SLC24A3: variants seen among roughly 807,000 people sequenced by gnomAD.
SLC24A3 encodes sodium/potassium/calcium exchanger 3.
SLC24A3 carries 28 observed loss-of-function variants against 75.8 expected under a neutral mutation model. The observed-to-expected ratio is 0.37, with a 90% CI of 0.27 to 0.51. SLC24A3 has a LOEUF of 0.51. SLC24A3 is among the 20% of genes least tolerant of loss of function. SLC24A3 has a pLI of 0.94. For synonymous variants in SLC24A3, 372 were observed against 334.1 expected, an observed-to-expected ratio of 1.11 and a Z score of -1.24; for missense variants, 663 against 847.8, an observed-to-expected ratio of 0.78 and a Z score of 2.71.
At chr20:19,343,855 A>G (rs1210956152) in intron 2 of SLC24A3, among the ~76,000 whole-genome samples, 1 of 152,220 alleles carries the variant, frequency 6.6e-6, no homozygotes, top group Admixed American at 6.5e-5. Context: ...AAAGGGGACT[A>G]GGACATGATT....
At chr20:19,564,408 C>G (rs2182329) in intron 3 of SLC24A3, among the ~76,000 whole-genome samples, 211 of 152,278 alleles carry the variant, frequency 1.4e-3, no homozygotes, top group Non-Finnish European at 1.6e-3. Context: ...TCTTTGTCAT[C>G]GTGATCACCA....
chr20:19,646,446 C>G (rs755304311), intron 6 of SLC24A3, among the ~76,000 whole-genome samples: 1 of 152,178 alleles, frequency 6.6e-6, no homozygotes, highest in African/African-American at 2.4e-5. Context: ...TGTATCTTAT[C>G]TGGCAACTTT....
intron 2 of SLC24A3, among the ~76,000 whole-genome samples, chr20:19,420,460 TC>T (rs1448316465): frequency 6.9e-6 from 1 of 145,014 alleles, no homozygotes; most frequent in Non-Finnish European, 1.5e-5. Context: ...GTAAAAGTGT[TC>T]CTATTTCTCC....
intron 2 of SLC24A3, among the ~76,000 whole-genome samples, chr20:19,425,882 G>A (rs13044355): frequency 0.32 from 49,010 of 152,054 alleles, 9,348 homozygotes; most frequent in Middle Eastern, 0.5. Flanking sequence ...AAGCCAGCTC[G>A]TGTGCCTTGG....
chr20:19,693,071 G>T, intron 12 of SLC24A3, 188 bp from the exon 13 acceptor site: 3 of 586,466 alleles, frequency 5.1e-6, no homozygotes, highest in Non-Finnish European at 5.6e-6. Context: ...TTTTAATTCT[G>T]TTTGGTGTTG....
chr20:19,434,564 T>G (rs1440586445), intron 2 of SLC24A3, among the ~76,000 whole-genome samples: 1 of 152,256 alleles, frequency 6.6e-6, no homozygotes, highest in Non-Finnish European at 1.5e-5. Flanking sequence ...TTGGAGAATT[T>G]GTCATTTTTG....
intron 3 of SLC24A3, among the ~76,000 whole-genome samples, chr20:19,529,958 A>G (rs773889635): frequency 6.6e-6 from 1 of 152,238 alleles, no homozygotes; most frequent in African/African-American, 2.4e-5. Flanking sequence ...TTCCTATAGT[A>G]AATAGACTAT....
intron 2 of SLC24A3, among the ~76,000 whole-genome samples, chr20:19,470,989 G>C (rs534224870): frequency 2.6e-5 from 4 of 152,292 alleles, no homozygotes; most frequent in Non-Finnish European, 5.9e-5. Flanking sequence ...GAGGGAGACG[G>C]CACAAGGTTG....
chr20:19,223,371 A>G (rs1429997856), intron 1 of SLC24A3, among the ~76,000 whole-genome samples: 4 of 152,208 alleles, frequency 2.6e-5, no homozygotes, highest in African/African-American at 9.6e-5. Flanking sequence ...TTGCAAAACT[A>G]TAGTATAATA....
At position 19,313,282 on chromosome 20, in the gene SLC24A3, G is replaced by C. The variant is rs374113422; in HGVS notation, c.271+32195G>C. ...ACTCTTGACCTCAGGTGATCCGCCT[G>C]CCTCAGCCTCCCAAAGTGCTGGGAT... is the stretch of plus-strand genomic sequence containing the variant. On this transcript the variant is annotated intron_variant, in intron 2 of 16. Coordinates refer to ENST00000328041, the MANE Select transcript of SLC24A3 (RefSeq NM_020689.4). Among the ~76,000 whole-genome samples the C allele has an allele frequency of 1.5e-4, 23 of 152,240 alleles. 1 individual carries two copies. The South Asian group carries it at 4.8e-3, about 32-fold the overall frequency.
intron 6 of SLC24A3, among the ~76,000 whole-genome samples, chr20:19,646,569 C>T (rs1181838994): frequency 2.6e-5 from 4 of 152,116 alleles, no homozygotes; most frequent in African/African-American, 2.4e-5. Flanking sequence ...GTTTGAATAG[C>T]GTTTTTATTG....
chr20:19,685,897 T>C (rs1187574720), intron 12 of SLC24A3, among the ~76,000 whole-genome samples: 1 of 152,176 alleles, frequency 6.6e-6, no homozygotes, highest in African/African-American at 2.4e-5. Flanking sequence ...GAGATCTGAC[T>C]CCTCATTGTC....
chr20:19,332,369 C>T (rs141481302), intron 2 of SLC24A3, among the ~76,000 whole-genome samples: 6 of 152,118 alleles, frequency 3.9e-5, no homozygotes, highest in Admixed American at 2.0e-4. Flanking sequence ...TGTTTCCCCT[C>T]GCCAGCCCTC....
intron 2 of SLC24A3, among the ~76,000 whole-genome samples, chr20:19,404,911 T>C (rs1986616015): frequency 6.6e-6 from 1 of 152,134 alleles, no homozygotes; most frequent in African/African-American, 2.4e-5. Context: ...AGGGTTGAAA[T>C]GGCTCTATTT....
intron 2 of SLC24A3, among the ~76,000 whole-genome samples, chr20:19,440,927 G>C (rs532251640): frequency 6.6e-6 from 1 of 152,270 alleles, no homozygotes; most frequent in South Asian, 2.1e-4. Context: ...TCACATATGA[G>C]TGACAGGGGA....
At chr20:19,612,228 T>A (rs2031679918) in intron 6 of SLC24A3, among the ~76,000 whole-genome samples, 2 of 152,198 alleles carry the variant, frequency 1.3e-5, no homozygotes, top group South Asian at 4.1e-4. Context: ...CATCCTTGGT[T>A]GACCCTATGC....
chr20:19,330,487 A>C (rs1393784879), intron 2 of SLC24A3, among the ~76,000 whole-genome samples: 1 of 152,264 alleles, frequency 6.6e-6, no homozygotes, highest in Non-Finnish European at 1.5e-5. Flanking sequence ...CTCACTGGCC[A>C]AATATGGTAT....
At chr20:19,515,937 T>C (rs1805510057) in intron 3 of SLC24A3, among the ~76,000 whole-genome samples, 2 of 152,222 alleles carry the variant, frequency 1.3e-5, no homozygotes, top group African/African-American at 4.8e-5. Context: ...TTTGTTTTCC[T>C]CCATGCTATC....
intron 2 of SLC24A3, among the ~76,000 whole-genome samples, chr20:19,413,182 T>C (rs971849811): frequency 2.6e-5 from 4 of 152,180 alleles, no homozygotes; most frequent in Non-Finnish European, 5.9e-5. Context: ...TCTTCCAGAA[T>C]TGGACTGGAC....
Sources: gnomAD v4.1 joint callset for allele counts (sites outside exome capture counted in the v4.1 genomes callset) on GRCh38, gnomAD v4.1.1 for gene constraint, MANE v1.5 for transcripts, NCBI Gene and HGNC (gene_info 2026-07-23, HGNC 2026-07-21) for gene names.